Variants in C2CD5 observed in about 807,000 individuals in gnomAD.
The protein encoded by C2CD5 is C2 calcium dependent domain containing 5, also known as C2 domain-containing protein 5.
Under a neutral mutation model 130.3 loss-of-function variants are expected in C2CD5, and 109 were observed. That is an observed-to-expected ratio of 0.84 (90% CI 0.72 to 0.98). C2CD5 has a LOEUF of 0.98. Among genes scored for constraint, C2CD5 ranks in the 50% least tolerant of loss-of-function variants. The probability of loss-of-function intolerance (pLI) is 0.00; values close to 1 mark genes in which losing one functional copy is unlikely to be tolerated. For synonymous variants in C2CD5, 454 were observed against 429.2 expected (o/e 1.06, Z -0.71); for missense variants, 996 against 1,261.8 (o/e 0.79, Z 3.19).
chr12:22,506,599 C>T (rs1397587797), intron 10 of C2CD5, 112 bp downstream of exon 10: 3 of 670,662 alleles, frequency 4.5e-6, no homozygotes, highest in Non-Finnish European at 5.3e-6. Context: ...CTAGTTTATA[C>T]TTTCTTTTCA....
chr12:22,482,405 G>GA, intron 14 of C2CD5, 152 bp downstream of exon 14: 1 of 584,896 alleles, frequency 1.7e-6, no homozygotes, highest in South Asian at 2.7e-5. Flanking sequence ...CCTATCACCA[G>GA]ATTTTTCACT....
At chr12:22,504,304 CTTTTTTTT>C (rs10707954) in intron 10 of C2CD5, among the ~76,000 whole-genome samples, 1 of 135,618 alleles carries the variant, frequency 7.4e-6, no homozygotes, top group Non-Finnish European at 1.6e-5. Context: ...GTTTTTTTTT[CTTTTTTTT>C]TTTTTTTGAG....
At chr12:22,513,536 T>A in intron 8 of C2CD5, 157 bp from the exon 9 acceptor site, 1 of 606,280 alleles carries the variant, frequency 1.6e-6, no homozygotes, top group Non-Finnish European at 3.0e-6. Flanking sequence ...TATTTTACTC[T>A]ACTTTTATTC....
intron 9 of C2CD5, chr12:22,507,022 C>A: frequency 2.3e-6 from 1 of 432,220 alleles, no homozygotes; most frequent in South Asian, 3.7e-5. Context: ...CAATGTTATA[C>A]AGAATCCAAA....
In C2CD5 at chr12:22,469,740, T is replaced by A; in HGVS notation, c.2502A>T (p.Ser834=). 1 of 1,605,878 alleles carries A rather than the reference T, an allele frequency of 6.2e-7. No individual in the cohort carries two copies. Among genetic ancestry groups the A allele is most frequent in the Non-Finnish European group, 8.5e-7 (1 of 1,176,136 alleles). The change falls in exon 22 of 27, where the codon TCA becomes TCT. Residue 834 remains serine, a synonymous_variant. Transcript: ENST00000446597. ...CTGGTGGAAAAGGATGAGAAGGAAG[T>A]GAATCTGAACACAGTTCCAGTGGAA... ...LQFPLELCSD[S]LPSHPFPPAK... is the part of the protein sequence containing the mutation.
At chr12:22,494,115 T>A (rs1179343153) in intron 10 of C2CD5, among the ~76,000 whole-genome samples, 1 of 152,046 alleles carries the variant, frequency 6.6e-6, no homozygotes. Flanking sequence ...TATTTCCTAA[T>A]CACTTGCATT....
chr12:22,525,798 A>T (rs547727964), intron 4 of C2CD5, 93 bp from the exon 5 acceptor site: 2 of 730,386 alleles, frequency 2.7e-6, no homozygotes, highest in South Asian at 1.6e-5. Context: ...ATGATTTTAA[A>T]ATACAATGAT....
Position 22,544,024 on chromosome 12 carries a change from G to T in C2CD5, c.90+37C>A, listed in dbSNP as rs780965274. The T allele has an allele frequency of 1.1e-5, 16 of 1,479,874 alleles. 1 individual carries two copies. The South Asian group carries it at 1.6e-4, about 15-fold the overall frequency. The allele number at this position is 1,479,874 out of a possible 1,614,324, so 91.7% of individuals were successfully genotyped here. On this transcript the variant is annotated intron_variant, in intron 2 of 26. Transcript: ENST00000446597. ...GGGTAGATCCTTCACAGGGCTTGGC[G>T]CTCCCTGTGTTTTGAGGGGCAGGAC... is the stretch of plus-strand genomic sequence containing the variant.
At chr12:22,541,595 G>A (rs1035780005) in intron 2 of C2CD5, among the ~76,000 whole-genome samples, 3 of 151,920 alleles carry the variant, frequency 2.0e-5, no homozygotes, top group South Asian at 2.1e-4. Flanking sequence ...TGAGATCTCC[G>A]GGTTACCTTC....
chr12:22,456,108 T>C (rs1029059305), intron 25 of C2CD5, among the ~76,000 whole-genome samples: 6 of 152,178 alleles, frequency 3.9e-5, no homozygotes, highest in African/African-American at 1.2e-4. Flanking sequence ...CGCAGGATGG[T>C]GAGTATGATA....
At chr12:22,481,347 C>A (rs959818527) in intron 14 of C2CD5, among the ~76,000 whole-genome samples, 14 of 152,100 alleles carry the variant, frequency 9.2e-5, no homozygotes, top group Non-Finnish European at 1.9e-4. Flanking sequence ...TATGCACTCT[C>A]AAAAAGATGG....
At chr12:22,488,658 G>C (rs1352762845) in intron 12 of C2CD5, among the ~76,000 whole-genome samples, 2 of 151,968 alleles carry the variant, frequency 1.3e-5, no homozygotes, top group African/African-American at 4.8e-5. Flanking sequence ...TTCCTCAATA[G>C]AATATTCTAA....
At chr12:22,513,165 G>A in intron 9 of C2CD5, 129 bp downstream of exon 9, 1 of 566,882 alleles carries the variant, frequency 1.8e-6, no homozygotes, top group Non-Finnish European at 3.1e-6. Context: ...AATCCATTTT[G>A]GACTTCAAAA....
At chr12:22,506,660 T>C in intron 10 of C2CD5, 51 bp downstream of exon 10, 1 of 1,052,994 alleles carries the variant, frequency 9.5e-7, no homozygotes, top group East Asian at 2.4e-5. Flanking sequence ...AAATCAATTT[T>C]AATAACCACA....
chr12:22,514,340 G>C (rs1296645541), intron 8 of C2CD5, among the ~76,000 whole-genome samples: 1 of 151,996 alleles, frequency 6.6e-6, no homozygotes, highest in Non-Finnish European at 1.5e-5. Context: ...GTCCCATTCT[G>C]TTCCTAAAAA....
intron 13 of C2CD5, among the ~76,000 whole-genome samples, chr12:22,483,380 T>C (rs1454213917): frequency 6.6e-6 from 1 of 152,098 alleles, no homozygotes; most frequent in Non-Finnish European, 1.5e-5. Context: ...GAGCATCTAC[T>C]TCGTGCCACA....
At chr12:22,526,611 C>G (rs1032035003) in intron 4 of C2CD5, among the ~76,000 whole-genome samples, 1 of 152,080 alleles carries the variant, frequency 6.6e-6, no homozygotes, top group Non-Finnish European at 1.5e-5. Context: ...GTGGCTCATG[C>G]CTGTAATCTC....
chr12:22,454,841 T>C (rs923651761), intron 25 of C2CD5, among the ~76,000 whole-genome samples: 1 of 152,212 alleles, frequency 6.6e-6, no homozygotes, highest in Non-Finnish European at 1.5e-5. Flanking sequence ...TACAACTATA[T>C]GCTAACATCT....
intron 4 of C2CD5, 149 bp from the exon 5 acceptor site, chr12:22,525,854 G>T: frequency 1.7e-6 from 1 of 601,578 alleles, no homozygotes; most frequent in Admixed American, 2.9e-5. Context: ...AAACCATTCT[G>T]ATTTTCACTT....
Sources: allele counts gnomAD v4.1 joint callset (sites outside exome capture counted in the v4.1 genomes callset), GRCh38; gene constraint gnomAD v4.1.1; transcripts MANE v1.5; gene names NCBI Gene and HGNC (gene_info 2026-07-23, HGNC 2026-07-21).